The following ZNF721 variants were observed in gnomAD, a reference collection of about 807,000 sequenced individuals.
ZNF721 encodes the protein zinc finger protein 721.
Under a neutral mutation model 2.4 loss-of-function variants are expected in ZNF721, and 2 were observed. That is an observed-to-expected ratio of 0.82 (90% CI 0.34 to 2.58). ZNF721 has a LOEUF of 2.58. Among genes scored for constraint, ZNF721 ranks in the 30% most tolerant of loss-of-function variants. The probability of loss-of-function intolerance (pLI) is 0.11; values close to 1 mark genes in which losing one functional copy is unlikely to be tolerated. For missense variants in ZNF721, 1,187 were observed against 1,085.5 expected (o/e 1.09, Z -1.31); for synonymous variants, 398 against 381.8 (o/e 1.04, Z -0.50).
chr4:476,780 G>C (rs1715633211), intron 1 of ZNF721, among the ~76,000 whole-genome samples: 1 of 152,176 alleles, frequency 6.6e-6, no homozygotes, highest in Non-Finnish European at 1.5e-5. Context: ...CATGGTTGTA[G>C]TTCTCCAAAA....
Position 441,016 on chromosome 4 carries a change from A to C in ZNF721, c.*679T>G, listed in dbSNP as rs1714215444. 6.6e-6 allele frequency: 1 copy of C among 152,212 alleles called. No homozygotes were observed. The highest frequency in any genetic ancestry group is 1.5e-5 in the Non-Finnish European group (1 of 68,072). The allele number at this position is 152,212 out of a possible 1,614,324, so 9.4% of individuals were successfully genotyped here. A position where few individuals can be genotyped will look rare whatever the true frequency, so the allele number is the denominator to read the frequency against. On this transcript the variant is annotated 3_prime_UTR_variant, in exon 3 of 3. Transcript: ENST00000511833. ...GAACAGAGGTTTTTCCACATTTATTACATTTGTAGGATTTCTCTCCAATAT... is the reference window on the plus strand; with the variant it reads ...GAACAGAGGTTTTTCCACATTTATTCCATTTGTAGGATTTCTCTCCAATAT...
At chr4:465,017 G>A (rs1450128985) in intron 2 of ZNF721, among the ~76,000 whole-genome samples, 1 of 151,378 alleles carries the variant, frequency 6.6e-6, no homozygotes, top group Non-Finnish European at 1.5e-5. Flanking sequence ...CCCAGGAGAC[G>A]GAGGTTGTGG....
chr4:488,911 T>TAGGG (rs1715960350), intron 1 of ZNF721, among the ~76,000 whole-genome samples: 1 of 151,844 alleles, frequency 6.6e-6, no homozygotes, highest in Non-Finnish European at 1.5e-5. Context: ...GTTAGGAAGA[T>TAGGG]AGGGAGGGAG....
intron 2 of ZNF721, among the ~76,000 whole-genome samples, chr4:469,995 G>A (rs1224608974): frequency 6.6e-6 from 1 of 152,102 alleles, no homozygotes; most frequent in East Asian, 1.9e-4. Context: ...CCATTCTCCT[G>A]CCTCAGCCTC....
chr4:450,948 AAAAAAAAAATATATAT>A (rs1296941574), intron 2 of ZNF721, among the ~76,000 whole-genome samples: 2 of 46,392 alleles, frequency 4.3e-5, no homozygotes, highest in South Asian at 9.8e-4. Flanking sequence ...AAAAAAAAAA[AAAAAAAAAATATATAT>A]ATATATATAT....
At chr4:458,758 A>C (rs112093188) in intron 2 of ZNF721, among the ~76,000 whole-genome samples, 8,420 of 152,202 alleles carry the variant, frequency 0.055, 345 homozygotes, top group African/African-American at 0.12. Flanking sequence ...AGGCAGGAAA[A>C]TCGCTGGAAC....
At chr4:493,888 T>C (rs1716085621) in intron 1 of ZNF721, among the ~76,000 whole-genome samples, 1 of 152,188 alleles carries the variant, frequency 6.6e-6, no homozygotes, top group Admixed American at 6.5e-5. Flanking sequence ...AATTATAAAA[T>C]TGCTTGATTA....
At chr4:473,152 TTAG>T (rs1346674987) in intron 1 of ZNF721, among the ~76,000 whole-genome samples, 1 of 152,164 alleles carries the variant, frequency 6.6e-6, no homozygotes, top group Non-Finnish European at 1.5e-5. Flanking sequence ...TGAGAGTCAC[TTAG>T]CTAAGCACTG....
intron 1 of ZNF721, among the ~76,000 whole-genome samples, chr4:492,515 A>C (rs918336289): frequency 6.6e-6 from 1 of 152,030 alleles, no homozygotes; most frequent in Admixed American, 6.5e-5. Context: ...TCTAACAAAT[A>C]ATTTAGTGTA....
At position 447,426 on chromosome 4, in the gene ZNF721, A is replaced by C. The variant is rs186718104; in HGVS notation, c.35-2994T>G. 5.2e-3 allele frequency among the ~76,000 whole-genome samples: 794 copies of C among 152,196 alleles called. 5 individuals are homozygous for C. Among genetic ancestry groups the C allele is most frequent in the African/African-American group, 0.018 (748 of 41,564 alleles). Reference sequence around the variant, plus strand: ...AAGTATCTCTATAGATACGCCAAAAAATAAGAAGTAAAGGTGTATCAGTAC... The same window carrying C: ...AAGTATCTCTATAGATACGCCAAAACATAAGAAGTAAAGGTGTATCAGTAC... On this transcript the variant is annotated intron_variant, in intron 2 of 2. Transcript: ENST00000511833.
Position 442,703 on chromosome 4 carries a change from T to C in ZNF721, c.1764A>G (p.Glu588=). The part of the protein sequence containing the change: ...IHTGEKPYKC[E]ECGKAFGRYT... ...ACCGTCCAAAGGCTTTGCCACACTCTTCACATTTGTAAGGTTTCTCTCCAG... is the reference window on the plus strand; with the variant it reads ...ACCGTCCAAAGGCTTTGCCACACTCCTCACATTTGTAAGGTTTCTCTCCAG... The change falls in exon 3 of 3, where the codon GAA becomes GAG. Residue 588 remains glutamate (E), a synonymous_variant. Transcript: ENST00000511833. The C allele has an allele frequency of 6.2e-7, 1 of 1,614,228 alleles. No homozygotes were observed. The highest frequency in any genetic ancestry group is 8.5e-7 in the Non-Finnish European group (1 of 1,180,036).
chr4:441,755 C>T lies in ZNF721; in HGVS notation c.2712G>A (p.Gln904=). ...TCGDCGKTFR[Q]SANLYAHKKI... The stretch of plus-strand genomic sequence containing the variant: ...TCTTATGTGCATAAAGATTTGCAGA[C>T]TGTCTAAAGGTTTTGCCACAGTCTC... The change falls in exon 3 of 3, where the codon CAG becomes CAA. Residue 904 remains glutamine, a synonymous_variant. Coordinates refer to ENST00000511833, the MANE Select transcript of ZNF721 (RefSeq NM_133474.4). 1.9e-6 allele frequency: 3 copies of T among 1,613,460 alleles called. No individual in the cohort carries two copies. Among genetic ancestry groups the T allele is most frequent in the East Asian group, 2.2e-5 (1 of 44,864 alleles).
intron 2 of ZNF721, among the ~76,000 whole-genome samples, chr4:459,220 C>T (rs1427789702): frequency 2.6e-5 from 4 of 152,190 alleles, no homozygotes; most frequent in Non-Finnish European, 4.4e-5. Context: ...AGACCATCAA[C>T]ACTATGAAGA....
Position 461,174 on chromosome 4 carries a change from G to A in ZNF721, c.34+11401C>T, listed in dbSNP as rs144473141. Among the ~76,000 whole-genome samples, 800 of 152,228 alleles carry A rather than the reference G, an allele frequency of 5.3e-3. 16 individuals carry two copies. The South Asian group carries it at 0.066, about 12-fold the overall frequency. The stretch of plus-strand genomic sequence containing the variant: ...GAAAAAATTTCAGGCCAATATCCCC[G>A]ATGAACATCGATGTGAAAATCCTCA... On this transcript the variant is annotated intron_variant, in intron 2 of 2. Transcript: ENST00000511833.
intron 2 of ZNF721, among the ~76,000 whole-genome samples, chr4:464,343 G>A (rs1377620347): frequency 6.6e-6 from 1 of 151,906 alleles, no homozygotes; most frequent in Non-Finnish European, 1.5e-5. Flanking sequence ...GGTGGCAGGT[G>A]CCTGTAATCC....
chr4:456,404 A>G (rs959520888), intron 2 of ZNF721, among the ~76,000 whole-genome samples: 3 of 151,524 alleles, frequency 2.0e-5, no homozygotes, highest in African/African-American at 7.4e-5. Context: ...AGGTAAGGGC[A>G]ATATTTATAA....
At chr4:482,725 G>C (rs1231439779) in intron 1 of ZNF721, among the ~76,000 whole-genome samples, 1 of 149,564 alleles carries the variant, frequency 6.7e-6, no homozygotes, top group Non-Finnish European at 1.5e-5. Flanking sequence ...TCGATCTCTT[G>C]ACCTCGGGAT....
At chr4:466,718 C>T (rs1207905923) in intron 2 of ZNF721, among the ~76,000 whole-genome samples, 1 of 152,032 alleles carries the variant, frequency 6.6e-6, no homozygotes, top group Non-Finnish European at 1.5e-5. Flanking sequence ...CTCATTATGG[C>T]AAAGAGAGTA....
intron 2 of ZNF721, among the ~76,000 whole-genome samples, chr4:464,444 G>C (rs1293948816): frequency 6.9e-6 from 1 of 144,242 alleles, no homozygotes; most frequent in African/African-American, 2.6e-5. Flanking sequence ...ACTCCAGCCT[G>C]GGCTACAGAG....
Sources: gnomAD v4.1 joint callset for allele counts (sites outside exome capture counted in the v4.1 genomes callset) on GRCh38, gnomAD v4.1.1 for gene constraint, MANE v1.5 for transcripts, NCBI Gene and HGNC (gene_info 2026-07-23, HGNC 2026-07-21) for gene names.